GPHN: variants seen among roughly 807,000 people sequenced by gnomAD.
GPHN encodes gephyrin.
A neutral mutation model predicts 95.5 loss-of-function variants in GPHN; 17 were observed. That is an observed-to-expected ratio of 0.18 (90% confidence interval 0.12 to 0.27). GPHN has a LOEUF of 0.27. Among genes scored for constraint, GPHN ranks in the 10% least tolerant of loss-of-function variants. The pLI is 1.00. For synonymous variants in GPHN, 320 were observed against 322.5 expected, an observed-to-expected ratio of 0.99 and a Z score of 0.08; for missense variants, 660 against 978.1, an observed-to-expected ratio of 0.67 and a Z score of 4.34.
intron 4 of GPHN, among the ~76,000 whole-genome samples, chr14:66,835,834 C>A (rs1421174710): frequency 6.6e-6 from 1 of 152,008 alleles, no homozygotes; most frequent in Non-Finnish European, 1.5e-5. Context: ...AGTGAACTCC[C>A]ATTCACAATT....
the GPHN span, chr14:67,320,974 G>T: frequency 3.5e-6 from 4 of 1,133,872 alleles, no homozygotes; most frequent in Non-Finnish European, 5.3e-6. Context: ...TTACAAAATA[G>T]AAATTCTTTC....
chr14:67,192,963 T>G, the GPHN span, among the ~76,000 whole-genome samples: 1 of 146,788 alleles, frequency 6.8e-6, no homozygotes, highest in African/African-American at 2.5e-5. Flanking sequence ...TATATCTATA[T>G]ATCGATATCT....
At chr14:67,379,716 G>A in the GPHN span, among the ~76,000 whole-genome samples, 30 of 132,130 alleles carry the variant, frequency 2.3e-4, no homozygotes, top group Non-Finnish European at 3.9e-4. Flanking sequence ...GTGCAGTGGC[G>A]GGATCTCGGC....
the GPHN span, among the ~76,000 whole-genome samples, chr14:67,672,729 C>T: frequency 6.6e-6 from 1 of 152,178 alleles, no homozygotes; most frequent in East Asian, 1.9e-4. Context: ...AGGTGTGAGC[C>T]ACCGTACCCT....
At chr14:67,457,840 G>A in the GPHN span, among the ~76,000 whole-genome samples, 22 of 152,334 alleles carry the variant, frequency 1.4e-4, no homozygotes, top group African/African-American at 5.1e-4. Flanking sequence ...GCTATAGGCT[G>A]TTGTCTCTTA....
chr14:67,517,992 G>T, the GPHN span, among the ~76,000 whole-genome samples: 1 of 152,124 alleles, frequency 6.6e-6, no homozygotes, highest in African/African-American at 2.4e-5. Context: ...TAACAGTAAG[G>T]GGCCCCCCTG....
chr14:67,134,428 TTTATGA>T (rs770216678), intron 17 of GPHN, among the ~76,000 whole-genome samples: 3 of 152,360 alleles, frequency 2.0e-5, no homozygotes, highest in Non-Finnish European at 2.9e-5. Context: ...CAAAGTACTG[TTTATGA>T]TTATATGTTT....
chr14:67,352,801 A>T, the GPHN span: 10,084 of 663,520 alleles, frequency 0.015, 91 homozygotes, highest in Non-Finnish European at 0.02. Context: ...TTAAACTTAT[A>T]ATGGTATTTT....
chr14:67,024,010 A>G (rs1395138668), intron 10 of GPHN, among the ~76,000 whole-genome samples: 1 of 152,134 alleles, frequency 6.6e-6, no homozygotes, highest in East Asian at 1.9e-4. Context: ...ATAATATTGA[A>G]AATTCCTGAA....
At chr14:67,027,380 G>C (rs562975336) in intron 10 of GPHN, among the ~76,000 whole-genome samples, 180 of 152,106 alleles carry the variant, frequency 1.2e-3, no homozygotes, top group African/African-American at 4.0e-3. Context: ...ACCCAGGATG[G>C]AATGCAGTGG....
chr14:66,643,183 T>G (rs1239516582), intron 1 of GPHN, among the ~76,000 whole-genome samples: 4 of 152,114 alleles, frequency 2.6e-5, no homozygotes, highest in Non-Finnish European at 5.9e-5. Context: ...ATTAGGGAAA[T>G]GCAAGCTAAA....
the GPHN span, among the ~76,000 whole-genome samples, chr14:67,535,889 T>C: frequency 6.6e-6 from 1 of 152,236 alleles, no homozygotes; most frequent in South Asian, 2.1e-4. Context: ...AAATGACGGT[T>C]TCATATGGTT....
chr14:67,431,489 G>A, the GPHN span, among the ~76,000 whole-genome samples: 2 of 150,470 alleles, frequency 1.3e-5, no homozygotes, highest in African/African-American at 4.9e-5. Flanking sequence ...AGGAGTTTGA[G>A]ACCAGCCTGG....
the GPHN span, chr14:67,693,099 C>G: frequency 2.2e-6 from 3 of 1,346,002 alleles, no homozygotes; most frequent in Non-Finnish European, 3.2e-6. Context: ...TCTACTGTCT[C>G]AGCCAGTAGG....
rs59245552 is a variant in GPHN, at chr14:66,605,527, ATTTTTT to A, written c.65-75565_65-75560del. ...TGATAAGTGTCTATATCCTTTGCCG[ATTTTTT>A]TTTTTTTTTTTTTTGAGACGGAGTC... On this transcript the variant is annotated intron_variant, in intron 1 of 22. Transcript: ENST00000478722. Among the ~76,000 whole-genome samples, 502 of 116,430 alleles carry A rather than the reference ATTTTTT, an allele frequency of 4.3e-3. 10 individuals carry two copies. The highest frequency in any genetic ancestry group is 0.017 in the African/African-American group (480 of 28,722). The allele number at this position is 116,430 out of a possible 152,430, so 76.4% of individuals were successfully genotyped here. A position where few individuals can be genotyped will look rare whatever the true frequency, so the allele number is the denominator to read the frequency against.
intron 2 of GPHN, among the ~76,000 whole-genome samples, chr14:66,697,254 A>C (rs1379382832): frequency 6.6e-6 from 1 of 152,214 alleles, no homozygotes; most frequent in Non-Finnish European, 1.5e-5. Context: ...TCAATGATGA[A>C]TTGTATTAAA....
chr14:66,653,714 C>G (rs8007662), intron 1 of GPHN, among the ~76,000 whole-genome samples: 16 of 152,052 alleles, frequency 1.1e-4, no homozygotes, highest in Admixed American at 1.0e-3. Flanking sequence ...TGTGTACTTT[C>G]TATTAGCATA....
chr14:66,835,180 A>G (rs1394899414), intron 4 of GPHN, among the ~76,000 whole-genome samples: 3 of 148,220 alleles, frequency 2.0e-5, no homozygotes, highest in Non-Finnish European at 4.5e-5. Flanking sequence ...CGGTCTATCA[A>G]TTTTGTTGAT....
At chr14:67,269,482 T>C in the GPHN span, among the ~76,000 whole-genome samples, 10 of 152,252 alleles carry the variant, frequency 6.6e-5, no homozygotes, top group African/African-American at 2.2e-4. Context: ...CCATTTGACA[T>C]TCCTAACAGC....
Sources: gnomAD v4.1 joint callset for allele counts (sites outside exome capture counted in the v4.1 genomes callset) on GRCh38, gnomAD v4.1.1 for gene constraint, MANE v1.5 for transcripts, NCBI Gene and HGNC (gene_info 2026-07-23, HGNC 2026-07-21) for gene names.